The following LMO7 variants were observed in gnomAD, a reference collection of about 807,000 sequenced individuals.
The protein encoded by LMO7 is LIM domain 7.
LMO7 carries 120 observed loss-of-function variants against 206.5 expected under a neutral mutation model. The ratio of observed to expected loss-of-function variants is 0.58; its 90% CI spans 0.50 to 0.68. LMO7 has a LOEUF of 0.68. LMO7 is among the 30% of genes least tolerant of loss of function. LMO7 has a pLI of 0.00. For synonymous variants in LMO7, 706 were observed against 681.5 expected (o/e 1.04, Z -0.56); for missense variants, 1,959 against 1,957.9 (o/e 1.00, Z -0.01).
intron 1 of LMO7, among the ~76,000 whole-genome samples, chr13:75,675,883 AGC>A (rs2039964039): frequency 8.6e-6 from 1 of 116,628 alleles, no homozygotes; most frequent in Non-Finnish European, 1.8e-5. Context: ...CGCGTGCACG[AGC>A]GTGCACACAC....
At chr13:75,648,627 G>T (rs750285266) in intron 1 of LMO7, among the ~76,000 whole-genome samples, 1 of 152,194 alleles carries the variant, frequency 6.6e-6, no homozygotes, top group African/African-American at 2.4e-5. Context: ...GACTTAATAT[G>T]GCATGTAGTG....
chr13:75,776,130 T>C (rs189085521), intron 4 of LMO7, among the ~76,000 whole-genome samples: 52 of 113,540 alleles, frequency 4.6e-4, no homozygotes, highest in Non-Finnish European at 6.5e-4. Flanking sequence ...TACATACATA[T>C]ATATATATAT....
intron 1 of LMO7, among the ~76,000 whole-genome samples, chr13:75,683,488 C>T (rs573477327): frequency 2.0e-5 from 3 of 152,284 alleles, no homozygotes; most frequent in South Asian, 2.1e-4. Context: ...TTATTTAATA[C>T]AGTCTCATCC....
intron 4 of LMO7, among the ~76,000 whole-genome samples, chr13:75,778,547 A>T (rs184855491): frequency 1.2e-4 from 18 of 152,336 alleles, no homozygotes; most frequent in South Asian, 8.3e-4. Flanking sequence ...AGTGCCTTTT[A>T]ACAATGCGCC....
At chr13:75,853,036 A>C (rs1454768940) in intron 27 of LMO7, 56 bp from the exon 28 acceptor site, 85 of 1,367,034 alleles carry the variant, frequency 6.2e-5, no homozygotes, top group Middle Eastern at 1.9e-4. Context: ...GATGAATTAA[A>C]TAGATTTCTA....
rs2057828978 is a variant in LMO7, at chr13:75,823,738, A to G, written c.2814A>G (p.Thr938=). The part of the protein sequence containing the change: ...EEDVTRLPSP[T]SPFSSLSQDQ... ...ATGTGACAAGGCTGCCCTCTCCTAC[A>G]TCCCCCTTCTCATCTCTTTCCCAAG... The change falls in exon 15 of 31, where the codon ACA becomes ACG. Residue 938 remains threonine, a synonymous_variant. Transcript: ENST00000377534. 1 of 1,614,110 alleles carries G rather than the reference A, an allele frequency of 6.2e-7. No individual in the cohort carries two copies. The highest frequency in any genetic ancestry group is 1.3e-5 in the African/African-American group (1 of 75,036).
intron 3 of LMO7, among the ~76,000 whole-genome samples, chr13:75,728,426 T>A (rs1418847548): frequency 1.3e-5 from 2 of 152,118 alleles, no homozygotes; most frequent in Non-Finnish European, 2.9e-5. Flanking sequence ...TGTCTTCTTT[T>A]GAGAAGTGTC....
At chr13:75,624,501 A>G (rs1425416231) in intron 2 of LMO7, among the ~76,000 whole-genome samples, 2 of 152,202 alleles carry the variant, frequency 1.3e-5, no homozygotes, top group Non-Finnish European at 2.9e-5. Flanking sequence ...GGAACTTATT[A>G]GAACTTCATG....
chr13:75,742,653 T>A (rs2046508133), intron 3 of LMO7, among the ~76,000 whole-genome samples: 1 of 152,158 alleles, frequency 6.6e-6, no homozygotes, highest in East Asian at 1.9e-4. Flanking sequence ...ATAGTGCTGG[T>A]ATAACTGGCT....
At chr13:75,629,735 CAAG>C (rs1399131401) in intron 2 of LMO7, among the ~76,000 whole-genome samples, 2 of 152,220 alleles carry the variant, frequency 1.3e-5, no homozygotes, top group East Asian at 3.9e-4. Flanking sequence ...AGTTAGATTT[CAAG>C]AAGGTCATCA....
intron 11 of LMO7, among the ~76,000 whole-genome samples, chr13:75,813,502 T>C (rs568190178): frequency 1.3e-5 from 2 of 152,180 alleles, no homozygotes; most frequent in Admixed American, 1.3e-4. Context: ...CCTCCCTTCC[T>C]GGCTTGTTGC....
In LMO7 at chr13:75,802,557, C is replaced by G. The variant is rs187820934; in HGVS notation, c.661+1675C>G. ...GCTTCAGTCAGTTCAGATGCAGTGG[C>G]CCACCCAGCGGTGTGGAATCTAAGT... On this transcript the variant is annotated intron_variant, in intron 7 of 30. Transcript: ENST00000377534. Among the ~76,000 whole-genome samples, 598 of 152,266 alleles carry G rather than the reference C, an allele frequency of 3.9e-3. 6 individuals carry two copies. Among genetic ancestry groups the G allele is most frequent in the African/African-American group, 0.014 (570 of 41,538 alleles).
chr13:75,747,317 C>T (rs1244319032), intron 3 of LMO7, among the ~76,000 whole-genome samples: 1 of 152,050 alleles, frequency 6.6e-6, no homozygotes, highest in African/African-American at 2.4e-5. Flanking sequence ...TTTGACTAGC[C>T]CATGGTTCAT....
chr13:75,673,343 C>A (rs776615313), intron 1 of LMO7, among the ~76,000 whole-genome samples: 3 of 152,124 alleles, frequency 2.0e-5, no homozygotes, highest in Non-Finnish European at 4.4e-5. Flanking sequence ...TTCCCAGACA[C>A]CCTTGCTGCT....
At chr13:75,787,759 G>A (rs868294008) in intron 4 of LMO7, among the ~76,000 whole-genome samples, 1 of 152,178 alleles carries the variant, frequency 6.6e-6, no homozygotes, top group Middle Eastern at 3.2e-3. Context: ...AACGTCACTG[G>A]GAGGTTGTCA....
At chr13:75,742,624 AG>A (rs1183630203) in intron 3 of LMO7, among the ~76,000 whole-genome samples, 1 of 152,232 alleles carries the variant, frequency 6.6e-6, no homozygotes, top group African/African-American at 2.4e-5. Flanking sequence ...CAATGAGGAA[AG>A]GACTCCCTAT....
At chr13:75,834,462 C>A in intron 17 of LMO7, 75 bp downstream of exon 17, 1 of 1,103,676 alleles carries the variant, frequency 9.1e-7, no homozygotes, top group South Asian at 1.9e-5. Context: ...TAACAATTTG[C>A]TTCAATAACT....
intron 3 of LMO7, among the ~76,000 whole-genome samples, chr13:75,746,245 G>C (rs1326451347): frequency 6.6e-6 from 1 of 152,144 alleles, no homozygotes; most frequent in Non-Finnish European, 1.5e-5. Flanking sequence ...GATGAAGCAA[G>C]TTGCAGAAGA....
chr13:75,625,338 T>G (rs776799804), intron 2 of LMO7, among the ~76,000 whole-genome samples: 2 of 152,178 alleles, frequency 1.3e-5, no homozygotes, highest in African/African-American at 2.4e-5. Context: ...AGAAGTCAAA[T>G]AGAGACTATG....
Sources: gnomAD v4.1 joint callset for allele counts (sites outside exome capture counted in the v4.1 genomes callset) on GRCh38, gnomAD v4.1.1 for gene constraint, MANE v1.5 for transcripts, NCBI Gene and HGNC (gene_info 2026-07-23, HGNC 2026-07-21) for gene names.